The following DOCK7 variants were observed in gnomAD, a reference collection of about 807,000 sequenced individuals.
DOCK7 encodes the protein dedicator of cytokinesis 7.
In DOCK7, 138 loss-of-function variants were observed where a neutral mutation model predicts 271.0. The observed-to-expected ratio is 0.51, with a 90% CI of 0.44 to 0.59. The LOEUF is 0.59. Among genes scored for constraint, DOCK7 ranks in the 20% least tolerant of loss-of-function variants. DOCK7 has a pLI of 0.00. For synonymous variants in DOCK7, 823 were observed against 876.1 expected, an observed-to-expected ratio of 0.94 and a Z score of 1.07; for missense variants, 2,066 against 2,592.4, an observed-to-expected ratio of 0.80 and a Z score of 4.41.
intron 16 of DOCK7, among the ~76,000 whole-genome samples, chr1:62,580,470 A>G (rs1336498848): frequency 2.0e-5 from 3 of 152,204 alleles, no homozygotes; most frequent in Non-Finnish European, 4.4e-5. Flanking sequence ...ATAAAATGAG[A>G]TAATTTTTAG....
chr1:62,510,867 C>T (rs1297820738), intron 33 of DOCK7, 194 bp from the exon 34 acceptor site: 2 of 470,850 alleles, frequency 4.2e-6, no homozygotes, highest in East Asian at 3.4e-5. Flanking sequence ...AATGTACTTG[C>T]TATATGCAGT....
intron 37 of DOCK7, 54 bp downstream of exon 37, chr1:62,504,573 TCAG>T (rs1646885857): frequency 6.5e-7 from 1 of 1,530,580 alleles, no homozygotes; most frequent in Non-Finnish European, 8.8e-7. Flanking sequence ...TTAATAACTA[TCAG>T]CAGAAGTTAT....
At chr1:62,462,914 C>CTT (rs34400688) in intron 48 of DOCK7, among the ~76,000 whole-genome samples, 15,008 of 79,390 alleles carry the variant, frequency 0.19, 2,378 homozygotes, top group Non-Finnish European at 0.25. Context: ...GTAGAAAAAG[C>CTT]TTTTTTTTTT....
At chr1:62,459,147 T>G (rs1645437695) in intron 48 of DOCK7, 2 of 151,406 alleles carry the variant, frequency 1.3e-5, no homozygotes, top group Non-Finnish European at 2.9e-5. Flanking sequence ...CTGGCAAGAT[T>G]AAATGAAAGA....
At chr1:62,474,123 G>A in intron 47 of DOCK7, 35 bp from the exon 48 acceptor site, 1 of 1,543,780 alleles carries the variant, frequency 6.5e-7, no homozygotes, top group Non-Finnish European at 8.9e-7. Context: ...GTGTTTTTTT[G>A]TTATCTCTAA....
intron 14 of DOCK7, among the ~76,000 whole-genome samples, chr1:62,614,453 C>T (rs1432679969): frequency 6.6e-6 from 1 of 151,902 alleles, no homozygotes; most frequent in African/African-American, 2.4e-5. Context: ...GTCCCATGGA[C>T]ATTGATGGTC....
chr1:62,639,598 C>A (rs1447281678), intron 7 of DOCK7, among the ~76,000 whole-genome samples: 2 of 151,766 alleles, frequency 1.3e-5, no homozygotes, highest in African/African-American at 4.8e-5. Context: ...CCACACCCAG[C>A]CAATTTTTTG....
chr1:62,459,349 C>T (rs549529485), intron 48 of DOCK7: 1 of 150,556 alleles, frequency 6.6e-6, no homozygotes, highest in African/African-American at 2.4e-5. Context: ...TCAAGTGATT[C>T]TCGTATTTAG....
At chr1:62,611,632 C>A (rs952275431) in intron 14 of DOCK7, among the ~76,000 whole-genome samples, 8 of 152,116 alleles carry the variant, frequency 5.3e-5, no homozygotes, top group Admixed American at 1.3e-4. Flanking sequence ...CATGTAATAA[C>A]CTAGTTTAAG....
At chr1:62,548,508 C>A (rs1645787318) in intron 22 of DOCK7, among the ~76,000 whole-genome samples, 1 of 151,788 alleles carries the variant, frequency 6.6e-6, no homozygotes, top group African/African-American at 2.4e-5. Flanking sequence ...ACAACCTCCG[C>A]CTCCTGGGTT....
chr1:62,587,044 T>C (rs532183903), intron 14 of DOCK7, among the ~76,000 whole-genome samples: 1 of 152,226 alleles, frequency 6.6e-6, no homozygotes, highest in East Asian at 1.9e-4. Flanking sequence ...ATAAATAGGA[T>C]GACATTTATA....
intron 31 of DOCK7, among the ~76,000 whole-genome samples, chr1:62,523,476 T>C (rs568622543): frequency 6.6e-6 from 1 of 152,216 alleles, no homozygotes; most frequent in African/African-American, 2.4e-5. Context: ...AAATTTCGAA[T>C]GTAACACAGA....
At chr1:62,480,518 T>G (rs1646089905) in intron 43 of DOCK7, among the ~76,000 whole-genome samples, 1 of 152,158 alleles carries the variant, frequency 6.6e-6, no homozygotes, top group Admixed American at 6.5e-5. Flanking sequence ...TTAATCTTGT[T>G]GCAAGTAAGT....
rs896305059 is a variant in DOCK7, at chr1:62,604,889, G to T, written c.1682+13817C>A. 4.1e-6 allele frequency: 6 copies of T among 1,479,224 alleles called. No individual in the cohort carries two copies. The African/African-American group carries it at 8.4e-5, about 21-fold the overall frequency. The allele number at this position is 1,479,224 out of a possible 1,614,324, so 91.6% of individuals were successfully genotyped here. On this transcript the variant is annotated intron_variant, in intron 14 of 49. Coordinates refer to ENST00000635253, the MANE Select transcript of DOCK7 (RefSeq NM_001367561.1). ...CAAGTTAATGTGGTCTAATAATCTG[G>T]TATTAAATCCTTAAGAGAAAGCTTG...
In DOCK7 at chr1:62,604,933, T is replaced by C. The variant is rs552342682; in HGVS notation, c.1682+13773A>G. On this transcript the variant is annotated intron_variant, in intron 14 of 49. Transcript: ENST00000635253. ...AAGCTTGAGAAATAGATTTTTTTTA[T>C]CTTAAAGTCACTGTCTATTTAAGAT... The C allele has an allele frequency of 7.6e-4, 822 of 1,086,212 alleles. 1 individual carries two copies. The highest frequency in any genetic ancestry group is 1.8e-3 in the Admixed American group (88 of 48,552). The allele number at this position is 1,086,212 out of a possible 1,614,324, so 67.3% of individuals were successfully genotyped here. A position where few individuals can be genotyped will look rare whatever the true frequency, so the allele number is the denominator to read the frequency against.
intron 11 of DOCK7, among the ~76,000 whole-genome samples, chr1:62,629,914 CATTT>C (rs1259761956): frequency 6.6e-6 from 1 of 152,164 alleles, no homozygotes; most frequent in African/African-American, 2.4e-5. Context: ...ACTGTACATA[CATTT>C]AAGAAAGATT....
chr1:62,657,706 G>A (rs756405750), intron 2 of DOCK7, among the ~76,000 whole-genome samples: 5 of 151,852 alleles, frequency 3.3e-5, no homozygotes, highest in Admixed American at 6.6e-5. Context: ...ACAAAGTCTC[G>A]GCAAAGAAAC....
At chr1:62,485,653 A>G in intron 43 of DOCK7, 1 of 985,404 alleles carries the variant, frequency 1.0e-6, no homozygotes, top group Non-Finnish European at 1.2e-6. Flanking sequence ...ACAAGATAGA[A>G]CTTACCACAA....
Position 62,508,298 on chromosome 1 carries a change from T to C in DOCK7, c.4380-240A>G, listed in dbSNP as rs371053645. Among the ~76,000 whole-genome samples the C allele has an allele frequency of 4.6e-5, 7 of 152,322 alleles. No homozygotes were observed. In the South Asian group the frequency reaches 1.0e-3, roughly 23 times the overall value. ...AGTGTAATGCCACTAAAAGCATAAA[T>C]GTTTATGTTTTAGCTTTCAAACATG... is the stretch of plus-strand genomic sequence containing the variant. On this transcript the variant is annotated intron_variant, in intron 34 of 49. Coordinates refer to ENST00000635253, the MANE Select transcript of DOCK7 (RefSeq NM_001367561.1).
Sources: allele counts gnomAD v4.1 joint callset (sites outside exome capture counted in the v4.1 genomes callset), GRCh38; gene constraint gnomAD v4.1.1; transcripts MANE v1.5; gene names NCBI Gene and HGNC (gene_info 2026-07-23, HGNC 2026-07-21).